YIPF7: variants seen among roughly 807,000 people sequenced by gnomAD.
YIPF7 encodes protein YIPF7.
Under a neutral mutation model 27.2 loss-of-function variants are expected in YIPF7, and 35 were observed. The observed-to-expected ratio is 1.29, with a 90% CI of 0.98 to 1.70. YIPF7 has a LOEUF of 1.70. Ranked by LOEUF, YIPF7 falls within the 40% of genes most tolerant of loss-of-function variation. The pLI is 0.00. For missense variants in YIPF7, 358 were observed against 303.7 expected, an observed-to-expected ratio of 1.18 and a Z score of -1.33; for synonymous variants, 137 against 110.4, an observed-to-expected ratio of 1.24 and a Z score of -1.51.
chr4:44,630,557 G>A (rs1026299660), intron 3 of YIPF7, among the ~76,000 whole-genome samples: 6 of 152,304 alleles, frequency 3.9e-5, no homozygotes, highest in Non-Finnish European at 8.8e-5. Flanking sequence ...AAATTCTTGA[G>A]ACGAGTTAAC....
intron 1 of YIPF7, among the ~76,000 whole-genome samples, chr4:44,650,497 G>GCA (rs1218498729): frequency 2.1e-5 from 1 of 47,780 alleles, no homozygotes; most frequent in East Asian, 4.9e-4. Context: ...ACACACATGC[G>GCA]CGCGCGCGCG....
chr4:44,634,973 A>G (rs1713058622), intron 3 of YIPF7, among the ~76,000 whole-genome samples: 1 of 152,186 alleles, frequency 6.6e-6, no homozygotes, highest in South Asian at 2.1e-4. Context: ...CGATTATATA[A>G]ATCTCTGTTC....
At chr4:44,628,423 T>C (rs1156305046) in intron 4 of YIPF7, among the ~76,000 whole-genome samples, 1 of 152,128 alleles carries the variant, frequency 6.6e-6, no homozygotes, top group South Asian at 2.1e-4. Flanking sequence ...TTGGAAGAAA[T>C]TATTATTATG....
At chr4:44,641,810 T>C (rs188798277) in intron 2 of YIPF7, among the ~76,000 whole-genome samples, 4 of 152,330 alleles carry the variant, frequency 2.6e-5, no homozygotes, top group African/African-American at 9.6e-5. Context: ...GGTGTAATAA[T>C]ATTTGAACCT....
intron 3 of YIPF7, among the ~76,000 whole-genome samples, chr4:44,633,271 C>A (rs546239900): frequency 8.3e-4 from 127 of 152,124 alleles, no homozygotes; most frequent in African/African-American, 2.9e-3. Context: ...TAACTCTGAG[C>A]TGTATAAAAT....
chr4:44,651,007 T>G (rs1313252440), intron 1 of YIPF7, among the ~76,000 whole-genome samples: 1 of 152,220 alleles, frequency 6.6e-6, no homozygotes, highest in African/African-American at 2.4e-5. Context: ...TTTGAAAACC[T>G]TGTTATTTTA....
chr4:44,661,435 A>G (rs1714038321), intron 1 of YIPF7, among the ~76,000 whole-genome samples: 1 of 152,260 alleles, frequency 6.6e-6, no homozygotes. Context: ...TGTGAAGTGG[A>G]TTATAAATTG....
chr4:44,656,968 T>C (rs989146218), intron 2 of YIPF7, among the ~76,000 whole-genome samples: 1 of 152,202 alleles, frequency 6.6e-6, no homozygotes, highest in African/African-American at 2.4e-5. Flanking sequence ...CATATTTCCT[T>C]TAGCAAAGAA....
At chr4:44,653,450 A>C (rs1316815970), upstream of YIPF7, among the ~76,000 whole-genome samples, 1 of 152,128 alleles carries the variant, frequency 6.6e-6, no homozygotes, top group African/African-American at 2.4e-5. Flanking sequence ...GAACTGGTAC[A>C]AAAGTCATGG....
intron 2 of YIPF7, among the ~76,000 whole-genome samples, chr4:44,636,299 T>C (rs1308724104): frequency 6.6e-6 from 1 of 152,166 alleles, no homozygotes; most frequent in Non-Finnish European, 1.5e-5. Flanking sequence ...CCAATAAACA[T>C]TAATTGAGCA....
chr4:44,645,773 A>T (rs1713506137), intron 2 of YIPF7, among the ~76,000 whole-genome samples: 1 of 152,128 alleles, frequency 6.6e-6, no homozygotes, highest in Admixed American at 6.6e-5. Context: ...ATCACTTCAA[A>T]CTACCGAGAA....
chr4:44,658,602 G>T (rs1382437966), intron 2 of YIPF7, among the ~76,000 whole-genome samples: 1 of 152,140 alleles, frequency 6.6e-6, no homozygotes, highest in Non-Finnish European at 1.5e-5. Flanking sequence ...CCAAAATTCT[G>T]ATGTGAAACT....
chr4:44,622,634 A>G, intron 5 of YIPF7, 58 bp from the exon 6 acceptor site: 1 of 1,579,580 alleles, frequency 6.3e-7, no homozygotes, highest in Non-Finnish European at 8.6e-7. Flanking sequence ...TTATTGAGTT[A>G]AAGTTGCCTC....
intron 4 of YIPF7, among the ~76,000 whole-genome samples, chr4:44,627,207 C>T (rs1712690811): frequency 6.6e-6 from 1 of 152,092 alleles, no homozygotes; most frequent in Non-Finnish European, 1.5e-5. Context: ...AGTTTTAAAC[C>T]ATTTGTCTTC....
At chr4:44,632,254 A>G (rs1280893761) in intron 3 of YIPF7, among the ~76,000 whole-genome samples, 1 of 152,192 alleles carries the variant, frequency 6.6e-6, no homozygotes, top group Non-Finnish European at 1.5e-5. Context: ...AGAAGATAAA[A>G]CTGCTGTGAA....
In YIPF7 at chr4:44,650,003, T is replaced by C. The variant is rs1407163753; in HGVS notation, c.98A>G (p.Asn33Ser). Residue 33 changes from asparagine to serine, a missense_variant, in exon 2 of 6, where the codon AAT becomes AGT. Asn to Ser is a conservative substitution (Grantham distance 46). Transcript: ENST00000415895. Reference protein sequence around the residue: ...QSGNDSNAYGNLYGSRKQQAG... With the variant: ...QSGNDSNAYGSLYGSRKQQAG... ...TACTTACTTTCTAGATCCATAAAGA[T>C]TTCCATAGGCATTAGAGTCATTACC... 1 of 1,559,744 alleles carries C rather than the reference T, an allele frequency of 6.4e-7. No homozygotes were observed. The highest frequency in any genetic ancestry group is 1.4e-5 in the African/African-American group (1 of 73,360).
At chr4:44,656,509 T>G (rs1713905113), upstream of YIPF7, among the ~76,000 whole-genome samples, 1 of 152,064 alleles carries the variant, frequency 6.6e-6, no homozygotes, top group Admixed American at 6.6e-5. Context: ...AACTTCAGTA[T>G]AAAATATGAG....
At chr4:44,633,874 GAAATGTCA>G (rs1210401741) in intron 3 of YIPF7, among the ~76,000 whole-genome samples, 2 of 152,124 alleles carry the variant, frequency 1.3e-5, no homozygotes, top group Non-Finnish European at 2.9e-5. Context: ...ACATATATGA[GAAATGTCA>G]AAATTTTTTT....
At chr4:44,639,101 T>A (rs1390689227) in intron 2 of YIPF7, among the ~76,000 whole-genome samples, 1 of 152,232 alleles carries the variant, frequency 6.6e-6, no homozygotes, top group Non-Finnish European at 1.5e-5. Flanking sequence ...AGCCTTGTAA[T>A]ATAATTTCAG....
Sources: gnomAD v4.1 joint callset for allele counts (sites outside exome capture counted in the v4.1 genomes callset) on GRCh38, gnomAD v4.1.1 for gene constraint, MANE v1.5 for transcripts, NCBI Gene and HGNC (gene_info 2026-07-23, HGNC 2026-07-21) for gene names.